Variants in GPATCH2 observed in about 807,000 individuals in gnomAD.
GPATCH2 encodes the protein G patch domain-containing protein 2.
Under a neutral mutation model 58.0 loss-of-function variants are expected in GPATCH2, and 51 were observed. The observed-to-expected ratio is 0.88, with a 90% CI of 0.70 to 1.11. The LOEUF is 1.11. Among genes scored for constraint, GPATCH2 ranks in the 50% most tolerant of loss-of-function variants. GPATCH2 has a pLI of 0.00. For missense variants in GPATCH2, 625 were observed against 652.2 expected (o/e 0.96, Z 0.45); for synonymous variants, 222 against 218.5 (o/e 1.02, Z -0.14).
intron 5 of GPATCH2, among the ~76,000 whole-genome samples, chr1:217,558,063 T>C (rs2102685214): frequency 6.6e-6 from 1 of 152,330 alleles, no homozygotes; most frequent in South Asian, 2.1e-4. Context: ...GAATTTAAAA[T>C]GATACTAAAT....
At chr1:217,627,682 T>C (rs1038955642) in intron 1 of GPATCH2, among the ~76,000 whole-genome samples, 3 of 152,026 alleles carry the variant, frequency 2.0e-5, no homozygotes, top group Non-Finnish European at 4.4e-5. Context: ...CTCTTTACCA[T>C]GGTTTGCTCA....
chr1:217,569,164 C>G (rs1367949839), intron 5 of GPATCH2, among the ~76,000 whole-genome samples: 1 of 151,032 alleles, frequency 6.6e-6, no homozygotes, highest in East Asian at 1.9e-4. Context: ...TAATATGAGA[C>G]CAGTACAGAT....
At chr1:217,624,520 T>C (rs1669355459) in intron 1 of GPATCH2, among the ~76,000 whole-genome samples, 1 of 152,206 alleles carries the variant, frequency 6.6e-6, no homozygotes, top group Non-Finnish European at 1.5e-5. Context: ...TGTCTCCTAC[T>C]GGCCCATCAA....
In GPATCH2 at chr1:217,457,201, T is replaced by A. The variant is rs111583256; in HGVS notation, c.1278-7864A>T. Among the ~76,000 whole-genome samples the A allele has an allele frequency of 8.4e-4, 128 of 152,324 alleles. 1 individual carries two copies. The highest frequency in any genetic ancestry group is 1.8e-3 in the Admixed American group (28 of 15,294). On this transcript the variant is annotated intron_variant, in intron 8 of 9. Coordinates refer to ENST00000366935, the MANE Select transcript of GPATCH2 (RefSeq NM_018040.5). The stretch of plus-strand genomic sequence containing the variant: ...AAGCTTTAGGTTGCATTGGTTTGAT[T>A]TGCATTTGGGATGAGCCAGAGAGTC...
chr1:217,514,069 T>A (rs1234933933), intron 6 of GPATCH2, among the ~76,000 whole-genome samples: 2 of 151,848 alleles, frequency 1.3e-5, no homozygotes, highest in Non-Finnish European at 2.9e-5. Flanking sequence ...TCAGATGATC[T>A]GCCCGCCTTG....
At chr1:217,628,734 T>C (rs1325508059) in intron 1 of GPATCH2, among the ~76,000 whole-genome samples, 1 of 151,220 alleles carries the variant, frequency 6.6e-6, no homozygotes, top group African/African-American at 2.4e-5. Context: ...TATCCACATT[T>C]ACCCATTTGG....
intron 5 of GPATCH2, among the ~76,000 whole-genome samples, chr1:217,564,045 GAAAAAAAAAAA>G (rs59348467): frequency 3.4e-5 from 2 of 58,216 alleles, no homozygotes; most frequent in African/African-American, 8.2e-5. Flanking sequence ...ACTCCGTCTC[GAAAAAAAAAAA>G]AAAAAAAAAA....
At chr1:217,490,373 G>A (rs1661660330) in intron 8 of GPATCH2, among the ~76,000 whole-genome samples, 1 of 152,140 alleles carries the variant, frequency 6.6e-6, no homozygotes, top group African/African-American at 2.4e-5. Flanking sequence ...GTTATTCACT[G>A]TGCTTTTTGT....
chr1:217,541,942 T>C (rs868403639), intron 5 of GPATCH2, among the ~76,000 whole-genome samples: 3 of 152,146 alleles, frequency 2.0e-5, no homozygotes, highest in Admixed American at 6.5e-5. Context: ...TCTGGGAAGA[T>C]TGAAGTAGAG....
At chr1:217,523,330 G>A (rs1428158149) in intron 5 of GPATCH2, among the ~76,000 whole-genome samples, 9 of 151,692 alleles carry the variant, frequency 5.9e-5, no homozygotes, top group Non-Finnish European at 1.5e-5. Flanking sequence ...GCCTTCCGCA[G>A]TGTTTGTGTC....
chr1:217,487,125 T>C (rs1661488587), intron 8 of GPATCH2, among the ~76,000 whole-genome samples: 1 of 152,172 alleles, frequency 6.6e-6, no homozygotes, highest in African/African-American at 2.4e-5. Context: ...GCCTCCTGTC[T>C]CAAGTCAAAG....
chr1:217,594,697 GATT>G (rs1667741465), intron 5 of GPATCH2, among the ~76,000 whole-genome samples: 1 of 152,076 alleles, frequency 6.6e-6, no homozygotes. Context: ...AAAAATTCAT[GATT>G]ATAATTGTTA....
At chr1:217,538,274 A>C (rs1225123309) in intron 5 of GPATCH2, among the ~76,000 whole-genome samples, 1 of 152,228 alleles carries the variant, frequency 6.6e-6, no homozygotes, top group Non-Finnish European at 1.5e-5. Flanking sequence ...TCACATTTCA[A>C]TACACCTTTG....
chr1:217,508,178 G>A (rs926707155), intron 6 of GPATCH2, among the ~76,000 whole-genome samples: 1 of 151,882 alleles, frequency 6.6e-6, no homozygotes, highest in Non-Finnish European at 1.5e-5. Flanking sequence ...AATCAGAGGA[G>A]GAATCGATCT....
intron 2 of GPATCH2, among the ~76,000 whole-genome samples, chr1:217,618,480 G>A (rs997002270): frequency 3.9e-5 from 6 of 151,964 alleles, no homozygotes; most frequent in African/African-American, 1.4e-4. Flanking sequence ...AGTGCTGGGA[G>A]TAAAGGCATG....
At chr1:217,547,286 C>T (rs940972043) in intron 5 of GPATCH2, among the ~76,000 whole-genome samples, 1 of 151,794 alleles carries the variant, frequency 6.6e-6, no homozygotes, top group African/African-American at 2.4e-5. Context: ...TTGTTTGAAC[C>T]TGGGAGGCAG....
chr1:217,523,385 A>C (rs920331217), intron 5 of GPATCH2, among the ~76,000 whole-genome samples: 1 of 151,614 alleles, frequency 6.6e-6, no homozygotes, highest in African/African-American at 2.4e-5. Flanking sequence ...CTTAACGAGC[A>C]TGCTGCCTTC....
At chr1:217,606,777 A>G (rs1269576147) in intron 5 of GPATCH2, among the ~76,000 whole-genome samples, 1 of 152,130 alleles carries the variant, frequency 6.6e-6, no homozygotes, top group Non-Finnish European at 1.5e-5. Context: ...AAGGTCCACA[A>G]TTCTGCACTT....
At chr1:217,513,181 C>T (rs1338737420) in intron 6 of GPATCH2, among the ~76,000 whole-genome samples, 1 of 151,994 alleles carries the variant, frequency 6.6e-6, no homozygotes, top group East Asian at 1.9e-4. Flanking sequence ...TCCCAAGCTA[C>T]TCGAGAGGCT....
Sources: allele counts gnomAD v4.1 joint callset (sites outside exome capture counted in the v4.1 genomes callset), GRCh38; gene constraint gnomAD v4.1.1; transcripts MANE v1.5; gene names NCBI Gene and HGNC (gene_info 2026-07-23, HGNC 2026-07-21).